The following SMARCA5 variants were observed in gnomAD, a reference collection of about 807,000 sequenced individuals.
SMARCA5 encodes SNF2 related chromatin remodeling ATPase 5, also known as SWI/SNF-related matrix-associated actin-dependent regulator of chromatin subfamily A member 5.
Under a neutral mutation model 140.4 loss-of-function variants are expected in SMARCA5, and 18 were observed. The ratio of observed to expected loss-of-function variants is 0.13; its 90% confidence interval spans 0.09 to 0.19. The LOEUF is 0.19. SMARCA5 is among the 10% of genes least tolerant of loss of function. The pLI is 1.00. For missense variants in SMARCA5, 606 were observed against 1,276.8 expected (o/e 0.47, Z 8.01); for synonymous variants, 449 against 419.6 (o/e 1.07, Z -0.86).
At chr4:143,546,738 G>T (rs764291166) in intron 19 of SMARCA5, 38 bp from the exon 20 acceptor site, 7 of 1,578,968 alleles carry the variant, frequency 4.4e-6, no homozygotes, top group Non-Finnish European at 5.2e-6. Context: ...CAAGTTTAAT[G>T]TGCTGTGATT....
intron 2 of SMARCA5, among the ~76,000 whole-genome samples, chr4:143,520,356 G>A (rs1014952744): frequency 6.6e-6 from 1 of 152,176 alleles, no homozygotes; most frequent in Non-Finnish European, 1.5e-5. Context: ...CTTGTCATCT[G>A]TAGGACATTA....
chr4:143,543,437 C>T, intron 14 of SMARCA5, 72 bp from the exon 15 acceptor site: 2 of 1,196,880 alleles, frequency 1.7e-6, no homozygotes, highest in Non-Finnish European at 2.4e-6. Flanking sequence ...TTAAACCTTA[C>T]ATTTAAAGTT....
At chr4:143,552,901 TATTAAC>T (rs1465564310) in intron 23 of SMARCA5, among the ~76,000 whole-genome samples, 6 of 149,150 alleles carry the variant, frequency 4.0e-5, no homozygotes, top group Non-Finnish European at 1.5e-5. Context: ...ATAACGTCAT[TATTAAC>T]ATTAACATTT....
intron 1 of SMARCA5, chr4:143,514,574 TTTC>T (rs1270649350): frequency 6.4e-6 from 1 of 156,292 alleles, no homozygotes; most frequent in East Asian, 1.9e-4. Context: ...TGGGCCTCCT[TTTC>T]TTCTTCCCGG....
chr4:143,513,862 C>T lies in SMARCA5; in HGVS notation c.-63C>T, dbSNP rs1189074693. On this transcript the variant is annotated 5_prime_UTR_variant, in exon 1 of 24. Transcript: ENST00000283131. The stretch of plus-strand genomic sequence containing the variant: ...TGCGACGTAGCATCCAGGCCTAGGC[C>T]TCCCCGTCCATCCCCGCCGGACTCG... The T allele has an allele frequency of 2.7e-6, 4 of 1,508,648 alleles. No homozygotes were observed. In the South Asian group the frequency reaches 3.7e-5, roughly 14 times the overall value. The allele number at this position is 1,508,648 out of a possible 1,614,324, so 93.5% of individuals were successfully genotyped here.
chr4:143,520,409 C>G (rs1560811167), intron 2 of SMARCA5, among the ~76,000 whole-genome samples: 1 of 152,168 alleles, frequency 6.6e-6, no homozygotes, highest in East Asian at 1.9e-4. Flanking sequence ...TGTGCAGATT[C>G]ATTTGCTGCT....
intron 4 of SMARCA5, 27 bp downstream of exon 4, chr4:143,524,494 A>G (rs377597870): frequency 1.4e-6 from 2 of 1,479,328 alleles, no homozygotes; most frequent in Non-Finnish European, 1.9e-6. Context: ...TGATTTTTTT[A>G]AAAAATTGCC....
At chr4:143,529,460 CTTATA>C (rs952410640) in intron 8 of SMARCA5, among the ~76,000 whole-genome samples, 1 of 152,128 alleles carries the variant, frequency 6.6e-6, no homozygotes, top group Non-Finnish European at 1.5e-5. Context: ...TCTGGCTTTT[CTTATA>C]TTATAGTCTA....
chr4:143,530,405 G>A, intron 8 of SMARCA5, 53 bp from the exon 9 acceptor site: 2 of 1,129,798 alleles, frequency 1.8e-6, no homozygotes, highest in Middle Eastern at 2.0e-4. Flanking sequence ...GTATTATAGG[G>A]TATTTGTTAA....
At chr4:143,542,576 A>G (rs1344456766) in intron 14 of SMARCA5, among the ~76,000 whole-genome samples, 1 of 152,204 alleles carries the variant, frequency 6.6e-6, no homozygotes, top group Admixed American at 6.5e-5. Flanking sequence ...CCATGATACA[A>G]GTATTTAAAG....
At chr4:143,538,475 G>T (rs1737359717) in intron 11 of SMARCA5, 115 bp from the exon 12 acceptor site, 2 of 825,936 alleles carry the variant, frequency 2.4e-6, no homozygotes, top group Non-Finnish European at 3.9e-6. Context: ...TTTCCCCCTT[G>T]TAACCAAGTA....
chr4:143,539,396 T>C (rs1203904241), intron 13 of SMARCA5, among the ~76,000 whole-genome samples: 1 of 152,214 alleles, frequency 6.6e-6, no homozygotes, highest in Non-Finnish European at 1.5e-5. Flanking sequence ...ACTTTAGTTA[T>C]TTAAAAGAAC....
At chr4:143,524,575 T>C in intron 4 of SMARCA5, 108 bp downstream of exon 4, 1 of 650,380 alleles carries the variant, frequency 1.5e-6, no homozygotes, top group Admixed American at 2.9e-5. Flanking sequence ...TTTTTAGTAG[T>C]CTTAGATGTT....
intron 10 of SMARCA5, among the ~76,000 whole-genome samples, chr4:143,536,150 T>C (rs1003396832): frequency 6.6e-6 from 1 of 152,176 alleles, no homozygotes; most frequent in Non-Finnish European, 1.5e-5. Flanking sequence ...TTTTGCTTTA[T>C]TACTTAAAAA....
At chr4:143,528,748 A>AATT in intron 8 of SMARCA5, 34 bp downstream of exon 8, 1 of 1,597,124 alleles carries the variant, frequency 6.3e-7, no homozygotes, top group Non-Finnish European at 8.5e-7. Context: ...GGTTAATAAT[A>AATT]ATATTTTGCT....
chr4:143,513,923 T>A lies in SMARCA5; in HGVS notation c.-2T>A. The stretch of plus-strand genomic sequence containing the variant: ...AGCAGCGGGTGACGCAGACGGAACA[T>A]CATGTCGTCCGCGGCCGAGCCTCCG... On this transcript the variant is annotated 5_prime_UTR_variant, in exon 1 of 24. Coordinates refer to ENST00000283131, the MANE Select transcript of SMARCA5 (RefSeq NM_003601.4). 6.5e-7 allele frequency: 1 copy of A among 1,542,422 alleles called. No individual in the cohort carries two copies. Among genetic ancestry groups the A allele is most frequent in the Non-Finnish European group, 8.7e-7 (1 of 1,150,924 alleles).
chr4:143,528,380 G>C (rs2149819268), intron 7 of SMARCA5, among the ~76,000 whole-genome samples: 1 of 152,224 alleles, frequency 6.6e-6, no homozygotes, highest in African/African-American at 2.4e-5. Context: ...GAGAATGATG[G>C]CTTCCAGCTT....
At position 143,553,607 on chromosome 4, in the gene SMARCA5, A is replaced by G. The variant is rs942465171; in HGVS notation, c.*423A>G. The G allele has an allele frequency of 1.9e-5, 3 of 158,528 alleles. No individual in the cohort carries two copies. The highest frequency in any genetic ancestry group is 1.9e-4 in the Admixed American group (3 of 16,024). The allele number at this position is 158,528 out of a possible 1,614,324, so 9.8% of individuals were successfully genotyped here. A position where few individuals can be genotyped will look rare whatever the true frequency, so the allele number is the denominator to read the frequency against. ...TTTAATTCACTTTGCCTTTGCAGAA[A>G]TTTGGGTATTTTCTTTGTAGTGCTA... On this transcript the variant is annotated 3_prime_UTR_variant, in exon 24 of 24. Transcript: ENST00000283131.
At position 143,528,751 on chromosome 4, in the gene SMARCA5, A is replaced by G. The variant is rs1197469954; in HGVS notation, c.1089+37A>G. ...CTGGTGCTTTCTGGTTAATAATAAT[A>G]TTTTGCTTAATGCTATATATTTTTG... On this transcript the variant is annotated intron_variant, in intron 8 of 23. Coordinates refer to ENST00000283131, the MANE Select transcript of SMARCA5 (RefSeq NM_003601.4). 6 of 1,589,912 alleles carry G rather than the reference A, an allele frequency of 3.8e-6. No homozygotes were observed. In the African/African-American group the frequency reaches 8.1e-5, roughly 22 times the overall value.
Sources: allele counts gnomAD v4.1 joint callset (sites outside exome capture counted in the v4.1 genomes callset), GRCh38; gene constraint gnomAD v4.1.1; transcripts MANE v1.5; gene names NCBI Gene and HGNC (gene_info 2026-07-23, HGNC 2026-07-21).